Variants in RBM15 observed in about 807,000 individuals in gnomAD.
RBM15 encodes the protein RNA binding motif protein 15.
Under a neutral mutation model 62.6 loss-of-function variants are expected in RBM15, and 8 were observed. That is an observed-to-expected ratio of 0.13 (90% CI 0.07 to 0.23). The LOEUF (loss-of-function observed/expected upper bound fraction) is 0.23. RBM15 is among the 10% of genes least tolerant of loss of function. The probability of loss-of-function intolerance (pLI) is 1.00; values close to 1 mark genes in which losing one functional copy is unlikely to be tolerated. For missense variants in RBM15, 1,144 were observed against 1,286.5 expected (o/e 0.89, Z 1.69); for synonymous variants, 606 against 505.7 (o/e 1.20, Z -2.66).
At chr1:110,345,835 C>T (rs1272323730) in intron 2 of RBM15, among the ~76,000 whole-genome samples, 186 bp downstream of exon 2, 2 of 152,046 alleles carry the variant, frequency 1.3e-5, no homozygotes, top group Non-Finnish European at 1.5e-5. Context: ...GGCTTTGTAT[C>T]GACCCCTTTC....
chr1:110,346,154 G>T (rs1043452437), intron 2 of RBM15, among the ~76,000 whole-genome samples, 154 bp from the exon 3 acceptor site: 4 of 152,162 alleles, frequency 2.6e-5, no homozygotes, highest in Non-Finnish European at 5.9e-5. Context: ...GTTTATGCCA[G>T]TGGGTATTAT....
At chr1:110,345,008 T>C (rs1278224853) in intron 1 of RBM15, among the ~76,000 whole-genome samples, 1 of 152,218 alleles carries the variant, frequency 6.6e-6, no homozygotes, top group African/African-American at 2.4e-5. Flanking sequence ...CTTAACTTTT[T>C]GGTTAAGTAT....
In RBM15 at chr1:110,339,753, G is replaced by T. The variant is rs1245315961; in HGVS notation, c.348G>T (p.Gly116=). 6.2e-7 allele frequency: 1 copy of T among 1,611,454 alleles called. No individual in the cohort carries two copies. The highest frequency in any genetic ancestry group is 2.2e-5 in the East Asian group (1 of 44,842). The change falls in exon 1 of 3, where the codon GGG becomes GGT. Residue 116 remains glycine, a synonymous_variant. Transcript: ENST00000369784. ...RGGSREYDTG[G]GSSSSRLHSY... ...GCAGCCGCGAGTATGATACCGGTGG[G>T]GGCAGCTCCAGTAGCCGCTTGCATA...
chr1:110,341,964 G>A lies in RBM15; in HGVS notation c.2559G>A (p.Gly853=), dbSNP rs780875157. The A allele has an allele frequency of 7.4e-6, 12 of 1,614,126 alleles. No homozygotes were observed. In the African/African-American group the frequency reaches 1.6e-4, roughly 22 times the overall value. ...TAACTCGACGCATCAAAGTAGCAGG[G>A]CCCAATGGTTATGCCATTCTTTTGG... ...DEVTRRIKVA[G]PNGYAILLAV... The change falls in exon 1 of 3, where the codon GGG becomes GGA. Residue 853 remains glycine (G), a synonymous_variant. Coordinates refer to ENST00000369784, the MANE Select transcript of RBM15 (RefSeq NM_022768.5). The surrounding 1 kb of genome is among the most constrained non-coding windows in gnomAD (Gnocchi z 4.5).
chr1:110,345,422 A>G, intron 1 of RBM15, 117 bp from the exon 2 acceptor site: 1 of 762,070 alleles, frequency 1.3e-6, no homozygotes, highest in South Asian at 1.5e-5. Flanking sequence ...ACCAATCACC[A>G]AAAACTCTGG....
Position 110,340,176 on chromosome 1 carries a change from C to A in RBM15, c.771C>A (p.Ser257Arg), listed in dbSNP as rs1417148780. ...IEAVYVSRRRSRSPLDKDTYP... is the reference protein window; with the variant it reads ...IEAVYVSRRRRRSPLDKDTYP... The stretch of plus-strand genomic sequence containing the variant: ...CTGTGTATGTGAGCCGGCGCCGCAG[C>A]CGCTCCCCTTTAGACAAAGATACTT... Residue 257 changes from serine (S) to arginine (R), a missense_variant, in exon 1 of 3, where the codon AGC becomes AGA. Around this residue, in one of 8 missense-constraint regions of RBM15, gnomAD observed 188 missense variants for 185.6 expected, o/e 1.01. Transcript: ENST00000369784. This position sits in a 1 kb window ranked among gnomAD's most constrained non-coding sequence, Gnocchi z 5.8. The A allele has an allele frequency of 1.2e-6, 2 of 1,614,078 alleles. No individual in the cohort carries two copies. The highest frequency in any genetic ancestry group is 4.5e-5 in the East Asian group (2 of 44,882).
rs919024589 is a variant in RBM15, at chr1:110,340,436, G to A, written c.1031G>A (p.Ser344Asn). ...PFYERVRPAY[S>N]LEPRVGAGAG... is the part of the protein sequence containing the mutation. ...TATGAGAGAGTGCGCCCTGCATACA[G>A]TCTTGAGCCAAGGGTGGGAGCTGGA... is the stretch of plus-strand genomic sequence containing the variant. Residue 344 changes from serine (S) to asparagine (N), a missense_variant, in exon 1 of 3, where the codon AGT (serine) becomes AAT (asparagine). Physicochemically the swap from Ser to Asn is conservative, Grantham distance 46. Around this residue, in one of 8 missense-constraint regions of RBM15, gnomAD observed 33 missense variants for 39.6 expected, o/e 0.83. Transcript: ENST00000369784. The surrounding 1 kb of genome is among the most constrained non-coding windows in gnomAD (Gnocchi z 5.8). The A allele has an allele frequency of 1.2e-6, 2 of 1,614,110 alleles. No homozygotes were observed. The highest frequency in any genetic ancestry group is 2.7e-5 in the African/African-American group (2 of 74,930).
In RBM15 at chr1:110,339,504, G is replaced by A. The variant is rs774755983; in HGVS notation, c.99G>A (p.Gln33=). The A allele has an allele frequency of 1.3e-6, 2 of 1,595,770 alleles. No individual in the cohort carries two copies. The highest frequency in any genetic ancestry group is 1.7e-6 in the Non-Finnish European group (2 of 1,168,392). ...CETSAGRRVT[Q]LRGDDLRRPA... is the part of the protein sequence containing the mutation. ...CGAGCGCGGGGCGGCGGGTTACTCA[G>A]CTCCGCGGAGACGACCTCCGACGAC... The change falls in exon 1 of 3, where the codon CAG becomes CAA. Residue 33 remains glutamine (Q), a synonymous_variant. Coordinates refer to ENST00000369784, the MANE Select transcript of RBM15 (RefSeq NM_022768.5).
At position 110,341,301 on chromosome 1, in the gene RBM15, G is replaced by A; in HGVS notation, c.1896G>A (p.Leu632=). ...SLDRDRGDRD[L]PSSRDQPRKR... Reference sequence around the variant, plus strand: ...ACCGGGACAGAGGTGATCGAGATCTGCCCAGCAGCAGAGACCAGCCTAGGA... The same window carrying A: ...ACCGGGACAGAGGTGATCGAGATCTACCCAGCAGCAGAGACCAGCCTAGGA... The change falls in exon 1 of 3, where the codon CTG becomes CTA. Residue 632 remains leucine, a synonymous_variant. Transcript: ENST00000369784. The surrounding 1 kb of genome is among the most constrained non-coding windows in gnomAD (Gnocchi z 4.5). The A allele has an allele frequency of 1.9e-6, 3 of 1,614,102 alleles. No individual in the cohort carries two copies.
At position 110,342,268 on chromosome 1, in the gene RBM15, G is replaced by A; in HGVS notation, c.2863G>A (p.Gly955Arg). Residue 955 changes from glycine to arginine, a missense_variant and splice_region_variant, in exon 1 of 3, where the codon GGG (glycine) becomes AGG (arginine). Coordinates refer to ENST00000369784, the MANE Select transcript of RBM15 (RefSeq NM_022768.5). ...EDYLVMIIVR[G>R]FGFQIGVRYE... The stretch of plus-strand genomic sequence containing the variant: ...TTACCTGGTCATGATCATTGTCCGT[G>A]GTGCGTCCTAAAGTCCATGTGTAAC... 1.3e-6 allele frequency: 2 copies of A among 1,569,920 alleles called. No homozygotes were observed. Among genetic ancestry groups the A allele is most frequent in the Non-Finnish European group, 1.7e-6 (2 of 1,156,760 alleles).
Position 110,340,839 on chromosome 1 carries a change from T to C in RBM15, c.1434T>C (p.Phe478=), listed in dbSNP as rs1557891349. 3 of 1,614,104 alleles carry C rather than the reference T, an allele frequency of 1.9e-6. No individual in the cohort carries two copies. Among genetic ancestry groups the C allele is most frequent in the Non-Finnish European group, 2.5e-6 (3 of 1,180,036 alleles). ...LAALAREFDR[F]GTIRTIDYRK... ...CCCTGGCACGAGAATTTGATCGATT[T>C]GGCACCATACGCACCATAGACTACC... The change falls in exon 1 of 3, where the codon TTT becomes TTC. Residue 478 remains phenylalanine (F), a synonymous_variant. Transcript: ENST00000369784. The surrounding 1 kb of genome is among the most constrained non-coding windows in gnomAD (Gnocchi z 5.8).
At position 110,340,250 on chromosome 1, in the gene RBM15, A is replaced by AC; in HGVS notation, c.851dup (p.Gly285TrpfsTer53). 6.2e-7 allele frequency: 1 copy of AC among 1,613,860 alleles called. No homozygotes were observed. The highest frequency in any genetic ancestry group is 8.5e-7 in the Non-Finnish European group (1 of 1,179,948). ...GGGGCCTCTGTAGGTGGTCACCGGC[A>AC]CCCCCCTGGAGGTGGTGGAGGCCAG... On this transcript the variant is annotated frameshift_variant, in exon 1 of 3. Coordinates refer to ENST00000369784, the MANE Select transcript of RBM15 (RefSeq NM_022768.5). LOFTEE classifies it high-confidence loss of function. This position sits in a 1 kb window ranked among gnomAD's most constrained non-coding sequence, Gnocchi z 5.8.
chr1:110,343,114 G>A (rs1572263), intron 1 of RBM15, among the ~76,000 whole-genome samples: 118,080 of 152,044 alleles, frequency 0.78, 46,294 homozygotes, highest in African/African-American at 0.89. Flanking sequence ...TGCATATTTC[G>A]AAACTAAGTG....
rs774975462 is a variant in RBM15 at position 110,339,544 on chromosome 1, G to A, written c.139G>A (p.Gly47Arg). ...CCTCCGACGACCCGCAACAATGAAGGGAAAAGAGCGCTCGCCAGTGAAGGC... is the reference window on the plus strand; with the variant it reads ...CCTCCGACGACCCGCAACAATGAAGAGAAAAGAGCGCTCGCCAGTGAAGGC... ...DDLRRPATMK[G>R]KERSPVKAKR... Residue 47 changes from glycine to arginine, a missense_variant, in exon 1 of 3, where the codon GGA (glycine) becomes AGA (arginine). By Grantham distance (125) the Gly-to-Arg change is moderately radical. This residue lies in a region of RBM15 where 298 missense variants were observed against 250.0 expected (regional missense o/e 1.19). Transcript: ENST00000369784. 2 of 1,605,006 alleles carry A rather than the reference G, an allele frequency of 1.2e-6. No homozygotes were observed. Among genetic ancestry groups the A allele is most frequent in the Non-Finnish European group, 1.7e-6 (2 of 1,173,512 alleles).
chr1:110,344,547 C>T (rs1460110690), intron 1 of RBM15, among the ~76,000 whole-genome samples: 1 of 152,062 alleles, frequency 6.6e-6, no homozygotes, highest in African/African-American at 2.4e-5. Context: ...GAAACAATGG[C>T]TTGATACCAT....
Position 110,341,389 on chromosome 1 carries a change from C to T in RBM15, c.1984C>T (p.Pro662Ser). ...GGATAGGTCTCCTGAGAGTGACCGC[C>T]CACGAAAACGTCACTGCGCTCCTTC... ...HLDRSPESDR[P>S]RKRHCAPSPD... The change falls in exon 1 of 3, where the codon CCA becomes TCA. Residue 662 changes from proline to serine, a missense_variant. Physicochemically the swap from Pro to Ser is moderately conservative, Grantham distance 74. Coordinates refer to ENST00000369784, the MANE Select transcript of RBM15 (RefSeq NM_022768.5). This position sits in a 1 kb window ranked among gnomAD's most constrained non-coding sequence, Gnocchi z 4.5. 6.2e-7 allele frequency: 1 copy of T among 1,614,074 alleles called. No individual in the cohort carries two copies. Among genetic ancestry groups the T allele is most frequent in the Non-Finnish European group, 8.5e-7 (1 of 1,179,986 alleles).
Position 110,342,125 on chromosome 1 carries a change from C to T in RBM15, c.2720C>T (p.Pro907Leu), listed in dbSNP as rs929323035. 6.2e-7 allele frequency: 1 copy of T among 1,614,024 alleles called. No individual in the cohort carries two copies. The highest frequency in any genetic ancestry group is 1.3e-5 in the African/African-American group (1 of 74,944). ...QKQAAGVISL[P>L]VGGNKDKENT... ...CAGGCAGCCGGGGTGATCAGCCTCCCTGTGGGGGGCAACAAAGACAAGGAA... is the reference window on the plus strand; with the variant it reads ...CAGGCAGCCGGGGTGATCAGCCTCCTTGTGGGGGGCAACAAAGACAAGGAA... The change falls in exon 1 of 3, where the codon CCT becomes CTT. Residue 907 changes from proline (P) to leucine (L), a missense_variant. By Grantham distance (98) the Pro-to-Leu change is moderately conservative. Transcript: ENST00000369784.
Position 110,339,862 on chromosome 1 carries a change from T to C in RBM15, c.457T>C (p.Ser153Pro). The change falls in exon 1 of 3, where the codon TCC becomes CCC. Residue 153 changes from serine to proline, a missense_variant. Coordinates refer to ENST00000369784, the MANE Select transcript of RBM15 (RefSeq NM_022768.5). ...CCGGGGTGGAGGCGGGGAGTCACGT[T>C]CCTCTGGGGCCGCCTCCTCAGCTCC... ...SSRGGGGESR[S>P]SGAASSAPGG... 6.2e-7 allele frequency: 1 copy of C among 1,600,678 alleles called. No individual in the cohort carries two copies. The highest frequency in any genetic ancestry group is 8.5e-7 in the Non-Finnish European group (1 of 1,170,246).
chr1:110,339,697 C>T lies in RBM15; in HGVS notation c.292C>T (p.Leu98Phe), dbSNP rs1372117837. The T allele has an allele frequency of 6.2e-7, 1 of 1,612,942 alleles. No homozygotes were observed. Among genetic ancestry groups the T allele is most frequent in the Non-Finnish European group, 8.5e-7 (1 of 1,179,896 alleles). Reference protein sequence around the residue: ...TDSGGGSRRSLHLDKSSSRGG... With the variant: ...TDSGGGSRRSFHLDKSSSRGG... Reference sequence around the variant, plus strand: ...TAGCGGCGGTGGGTCGCGGCGGAGTCTCCACCTGGACAAGTCCAGCAGTCG... The same window carrying T: ...TAGCGGCGGTGGGTCGCGGCGGAGTTTCCACCTGGACAAGTCCAGCAGTCG... The change falls in exon 1 of 3, where the codon CTC (leucine) becomes TTC (phenylalanine). Residue 98 changes from leucine (L) to phenylalanine (F), a missense_variant. Coordinates refer to ENST00000369784, the MANE Select transcript of RBM15 (RefSeq NM_022768.5).
Sources: gnomAD v4.1 joint callset for allele counts (sites outside exome capture counted in the v4.1 genomes callset) on GRCh38, gnomAD v4.1.1 for gene constraint, gnomAD v4.1.1 regional missense constraint, Gnocchi (gnomAD v3.1) non-coding constraint, MANE v1.5 for transcripts, NCBI Gene and HGNC (gene_info 2026-07-23, HGNC 2026-07-21) for gene names.